RSF1: variants seen among roughly 807,000 people sequenced by gnomAD.
RSF1 encodes HBV pX-associated protein 8.
In RSF1, 13 loss-of-function variants were observed where a neutral mutation model predicts 145.2. The observed-to-expected ratio is 0.09, with a 90% CI of 0.06 to 0.14. The LOEUF (loss-of-function observed/expected upper bound fraction) is 0.14, where lower values mean the gene tolerates loss of function less well. Among genes scored for constraint, RSF1 ranks in the 10% least tolerant of loss-of-function variants. The pLI is 1.00. For missense variants in RSF1, 1,517 were observed against 1,718.2 expected, an observed-to-expected ratio of 0.88 and a Z score of 2.07; for synonymous variants, 577 against 592.6, an observed-to-expected ratio of 0.97 and a Z score of 0.38.
chr11:77,716,531 T>C (rs182675433), intron 5 of RSF1, among the ~76,000 whole-genome samples: 4 of 152,164 alleles, frequency 2.6e-5, no homozygotes, highest in Admixed American at 6.5e-5. Context: ...CAGAAACAAA[T>C]ACCCCATGAT....
At chr11:77,829,181 TAGAG>T in the RSF1 span, among the ~76,000 whole-genome samples, 38 of 142,964 alleles carry the variant, frequency 2.7e-4, no homozygotes, top group African/African-American at 9.2e-4. Flanking sequence ...AGAACAGAAA[TAGAG>T]AGAGAGCTCT....
intron 1 of RSF1, among the ~76,000 whole-genome samples, chr11:77,796,703 GAGA>G (rs1948575927): frequency 6.6e-6 from 1 of 152,160 alleles, no homozygotes; most frequent in Admixed American, 6.5e-5. Flanking sequence ...CAGATAGGAA[GAGA>G]AGAAGTCAAA....
intron 8 of RSF1, among the ~76,000 whole-genome samples, chr11:77,692,627 C>T (rs541002494): frequency 4.6e-5 from 7 of 151,732 alleles, no homozygotes; most frequent in African/African-American, 1.4e-4. Flanking sequence ...GATCCTCCTG[C>T]CTCAGCCTCC....
the RSF1 span, chr11:77,869,312 CTTTTTTT>C: frequency 7.9e-6 from 1 of 126,850 alleles, no homozygotes; most frequent in East Asian, 2.2e-4. Context: ...ATCTCTTTTT[CTTTTTTT>C]TTTTTTTTTT....
At chr11:77,865,022 ACT>A in the RSF1 span, among the ~76,000 whole-genome samples, 1 of 151,798 alleles carries the variant, frequency 6.6e-6, no homozygotes, top group Non-Finnish European at 1.5e-5. Flanking sequence ...CATAGTTCTT[ACT>A]CTCTCCTTCT....
the RSF1 span, chr11:77,842,535 A>G: frequency 1.2e-6 from 2 of 1,614,004 alleles, no homozygotes; most frequent in Non-Finnish European, 1.7e-6. Context: ...CATGGGGGCA[A>G]ATGAAAGTAA....
intron 5 of RSF1, among the ~76,000 whole-genome samples, chr11:77,710,923 A>C (rs1055664010): frequency 6.6e-6 from 1 of 152,190 alleles, no homozygotes; most frequent in African/African-American, 2.4e-5. Flanking sequence ...TGGAGTGACA[A>C]GATGATTCCT....
At chr11:77,692,066 CT>C (rs1253552519) in intron 8 of RSF1, among the ~76,000 whole-genome samples, 1 of 151,012 alleles carries the variant, frequency 6.6e-6, no homozygotes, top group Non-Finnish European at 1.5e-5. Flanking sequence ...AATTTTTGTA[CT>C]TTTAGTAGAG....
intron 2 of RSF1, among the ~76,000 whole-genome samples, chr11:77,748,591 C>T (rs1948028078): frequency 6.6e-6 from 1 of 151,904 alleles, no homozygotes; most frequent in Non-Finnish European, 1.5e-5. Context: ...GAGGAAGACC[C>T]TAAAGTGATT....
the RSF1 span, among the ~76,000 whole-genome samples, chr11:77,827,911 C>T: frequency 6.6e-6 from 1 of 152,100 alleles, no homozygotes; most frequent in Admixed American, 6.6e-5. Context: ...TAGGCAAGCA[C>T]ATTTGCAGGA....
chr11:77,809,308 A>G (rs1948708938), intron 1 of RSF1, among the ~76,000 whole-genome samples: 1 of 152,206 alleles, frequency 6.6e-6, no homozygotes, highest in African/African-American at 2.4e-5. Context: ...CAACAGTACT[A>G]CTACAGGCAT....
intron 3 of RSF1, among the ~76,000 whole-genome samples, chr11:77,744,497 A>T (rs7924567): frequency 6.6e-6 from 1 of 151,710 alleles, no homozygotes; most frequent in Non-Finnish European, 1.5e-5. Context: ...CAGAGAAGTG[A>T]TCTCGCTATG....
chr11:77,730,655 G>A (rs1043150655), intron 4 of RSF1, among the ~76,000 whole-genome samples: 5 of 152,126 alleles, frequency 3.3e-5, no homozygotes, highest in South Asian at 2.1e-4. Flanking sequence ...CAATTCCCAC[G>A]TGTTGTGGGA....
At chr11:77,710,954 T>A (rs1960666445) in intron 5 of RSF1, among the ~76,000 whole-genome samples, 1 of 152,146 alleles carries the variant, frequency 6.6e-6, no homozygotes, top group African/African-American at 2.4e-5. Flanking sequence ...GCTGCAGAAC[T>A]GAAATCAACC....
Position 77,701,587 on chromosome 11 carries a change from T to C in RSF1, c.1642A>G (p.Lys548Glu). 5 of 1,614,154 alleles carry C rather than the reference T, an allele frequency of 3.1e-6. No homozygotes were observed. The highest frequency in any genetic ancestry group is 4.2e-6 in the Non-Finnish European group (5 of 1,180,008). ...ETSLDSSEMA[K>E]DLSSKTALSS... ...AAAGCAGTTTTTGAAGAGAGATCTT[T>C]TGCCATCTCAGAAGAATCAAGAGAA... Residue 548 changes from lysine to glutamate, a missense_variant, in exon 6 of 16, where the codon AAA becomes GAA. Lys to Glu is a moderately conservative substitution (Grantham distance 56). Coordinates refer to ENST00000308488, the MANE Select transcript of RSF1 (RefSeq NM_016578.4).
intron 2 of RSF1, among the ~76,000 whole-genome samples, chr11:77,748,335 C>T (rs1185994768): frequency 6.6e-5 from 10 of 151,598 alleles, no homozygotes; most frequent in African/African-American, 2.2e-4. Context: ...GGTGATCCTC[C>T]CACCTCAGCC....
chr11:77,777,371 C>A (rs967992992), intron 1 of RSF1, among the ~76,000 whole-genome samples: 1 of 152,068 alleles, frequency 6.6e-6, no homozygotes, highest in East Asian at 1.9e-4. Context: ...GCGGGTGGAT[C>A]CCCTGAGGTC....
chr11:77,845,249 T>G, the RSF1 span, among the ~76,000 whole-genome samples: 1 of 152,154 alleles, frequency 6.6e-6, no homozygotes, highest in African/African-American at 2.4e-5. Context: ...GGCGTTAGGG[T>G]GTCCTACAGG....
intron 1 of RSF1, among the ~76,000 whole-genome samples, chr11:77,801,390 T>C (rs1382600903): frequency 6.6e-6 from 1 of 152,172 alleles, no homozygotes; most frequent in East Asian, 1.9e-4. Context: ...AGCTTGCCAC[T>C]GCACTCCAGC....
Sources: gnomAD v4.1 joint callset for allele counts (sites outside exome capture counted in the v4.1 genomes callset) on GRCh38, gnomAD v4.1.1 for gene constraint, MANE v1.5 for transcripts, NCBI Gene and HGNC (gene_info 2026-07-23, HGNC 2026-07-21) for gene names.